Variants in ADGRL4 observed in about 807,000 individuals in gnomAD.
ADGRL4 encodes EGF, latrophilin and seven transmembrane domain containing 1.
Under a neutral mutation model 74.8 loss-of-function variants are expected in ADGRL4, and 90 were observed. That is an observed-to-expected ratio of 1.20 (90% CI 1.02 to 1.43). The LOEUF is 1.43. Among genes scored for constraint, ADGRL4 ranks in the 40% most tolerant of loss-of-function variants. ADGRL4 has a pLI of 0.00. For synonymous variants in ADGRL4, 311 were observed against 279.2 expected (o/e 1.11, Z -1.14); for missense variants, 881 against 814.3 (o/e 1.08, Z -1.00).
chr1:78,938,241 T>C lies in ADGRL4; in HGVS notation c.435A>G (p.Glu145=). Residue 145 remains glutamate (E), a synonymous_variant, in exon 5 of 15, where the codon GAA becomes GAG. Coordinates refer to ENST00000370742, the MANE Select transcript of ADGRL4 (RefSeq NM_022159.4). ...GATCTGTCACAGAATTTCTATAGACTTCTTGTAGCAAAGCCACAGGTTCTT... is the reference window on the plus strand; with the variant it reads ...GATCTGTCACAGAATTTCTATAGACCTCTTGTAGCAAAGCCACAGGTTCTT... ...SIKEPVALLQ[E]VYRNSVTDLS... is the part of the protein sequence containing the mutation. The C allele has an allele frequency of 6.2e-7, 1 of 1,606,632 alleles. No individual in the cohort carries two copies. Among genetic ancestry groups the C allele is most frequent in the Non-Finnish European group, 8.5e-7 (1 of 1,178,286 alleles).
chr1:78,930,607 C>T (rs1286538448), intron 7 of ADGRL4, among the ~76,000 whole-genome samples: 1 of 150,844 alleles, frequency 6.6e-6, no homozygotes, highest in Non-Finnish European at 1.5e-5. Flanking sequence ...CCCACCATCA[C>T]ACCTGGCTAA....
At chr1:78,958,943 CA>C (rs111472746) in intron 2 of ADGRL4, among the ~76,000 whole-genome samples, 14 of 152,294 alleles carry the variant, frequency 9.2e-5, no homozygotes, top group African/African-American at 3.4e-4. Context: ...CGTCAGCAGC[CA>C]ACATCAAAGC....
chr1:78,993,491 A>G (rs2100736283), intron 2 of ADGRL4, among the ~76,000 whole-genome samples: 1 of 152,344 alleles, frequency 6.6e-6, no homozygotes, highest in East Asian at 1.9e-4. Flanking sequence ...ATTATGAATA[A>G]CACATGGAGT....
At chr1:78,972,054 C>G (rs533422246) in intron 2 of ADGRL4, among the ~76,000 whole-genome samples, 79 of 152,286 alleles carry the variant, frequency 5.2e-4, no homozygotes, top group Non-Finnish European at 9.4e-4. Flanking sequence ...CGTGCCCGGC[C>G]AGGATTATTT....
chr1:78,920,005 T>C (rs1468212503), intron 10 of ADGRL4, among the ~76,000 whole-genome samples, 178 bp downstream of exon 10: 3 of 151,978 alleles, frequency 2.0e-5, no homozygotes, highest in African/African-American at 4.8e-5. Flanking sequence ...ATGGACTTGA[T>C]AAGTAGTTTG....
chr1:78,919,946 G>A (rs930725409), intron 10 of ADGRL4, among the ~76,000 whole-genome samples: 40 of 151,920 alleles, frequency 2.6e-4, no homozygotes, highest in Admixed American at 7.9e-4. Context: ...TTGTTGCAAA[G>A]TTTTAACTTG....
chr1:78,951,967 T>C (rs1649731982), intron 2 of ADGRL4, among the ~76,000 whole-genome samples: 1 of 152,194 alleles, frequency 6.6e-6, no homozygotes, highest in South Asian at 2.1e-4. Context: ...TTATCTTCTT[T>C]GTATAATAGG....
At chr1:79,000,679 C>T (rs112020018) in intron 2 of ADGRL4, among the ~76,000 whole-genome samples, 5,513 of 152,008 alleles carry the variant, frequency 0.036, 112 homozygotes, top group South Asian at 0.055. Context: ...ATTTCTAGTA[C>T]AAAGAAAAGA....
In ADGRL4 at chr1:78,986,321, C is replaced by T. The variant is rs574394995; in HGVS notation, c.172+18749G>A. Reference sequence around the variant, plus strand: ...CTTTGTCTTTTGGCGGTGAAATCTACAACCAAGTTGTTGATGTTTTTGTAA... The same window carrying T: ...CTTTGTCTTTTGGCGGTGAAATCTATAACCAAGTTGTTGATGTTTTTGTAA... On this transcript the variant is annotated intron_variant, in intron 2 of 14. Coordinates refer to ENST00000370742, the MANE Select transcript of ADGRL4 (RefSeq NM_022159.4). Among the ~76,000 whole-genome samples, 4 of 151,878 alleles carry T rather than the reference C, an allele frequency of 2.6e-5. No homozygotes were observed. In the East Asian group the frequency reaches 5.8e-4, roughly 22 times the overall value.
At chr1:78,986,757 T>C (rs922115303) in intron 2 of ADGRL4, among the ~76,000 whole-genome samples, 3 of 151,854 alleles carry the variant, frequency 2.0e-5, no homozygotes, top group Non-Finnish European at 4.4e-5. Flanking sequence ...TAAAATATTT[T>C]CCCAGTTATT....
In ADGRL4 at chr1:78,974,621, T is replaced by TAA. The variant is rs564418954; in HGVS notation, c.173-28197_173-28196dup. On this transcript the variant is annotated intron_variant, in intron 2 of 14. Coordinates refer to ENST00000370742, the MANE Select transcript of ADGRL4 (RefSeq NM_022159.4). ...GAGACCAAAATGTGTTACACTGGGCTAAAATGTGTCAGCTGGGTTGACCTC... is the reference window on the plus strand; with the variant it reads ...GAGACCAAAATGTGTTACACTGGGCTAAAAAATGTGTCAGCTGGGTTGACCTC... Among the ~76,000 whole-genome samples the TAA allele has an allele frequency of 3.7e-3, 566 of 152,296 alleles. 6 individuals carry two copies. The highest frequency in any genetic ancestry group is 0.013 in the African/African-American group (541 of 41,574).
rs1268900656 is a variant in ADGRL4 at position 78,890,471 on chromosome 1, T to G, written c.*683A>C. 1 of 152,002 alleles carries G rather than the reference T, an allele frequency of 6.6e-6. No homozygotes were observed. Among genetic ancestry groups the G allele is most frequent in the African/African-American group, 2.4e-5 (1 of 41,418 alleles). The allele number at this position is 152,002 out of a possible 1,614,324, so 9.4% of individuals were successfully genotyped here. A position where few individuals can be genotyped will look rare whatever the true frequency, so the allele number is the denominator to read the frequency against. ...AGAAACAGATTTTTTTCACTTTTTT[T>G]TTTTCAATTTGTGGAGGTAAACCTT... is the stretch of plus-strand genomic sequence containing the variant. On this transcript the variant is annotated 3_prime_UTR_variant, in exon 15 of 15. Transcript: ENST00000370742.
At chr1:78,918,828 A>G (rs924149304) in intron 10 of ADGRL4, among the ~76,000 whole-genome samples, 2 of 151,938 alleles carry the variant, frequency 1.3e-5, no homozygotes, top group African/African-American at 4.8e-5. Flanking sequence ...AGAGTACTCT[A>G]TAAGGCTGGG....
intron 12 of ADGRL4, among the ~76,000 whole-genome samples, chr1:78,905,870 T>A (rs1648624088): frequency 6.6e-6 from 1 of 152,072 alleles, no homozygotes. Context: ...ATTACATTTT[T>A]ATTTTGTCTC....
intron 2 of ADGRL4, 74 bp downstream of exon 2, chr1:79,004,996 G>A: frequency 7.2e-7 from 1 of 1,381,006 alleles, no homozygotes. Context: ...GTTAGTTTCT[G>A]GAGGACAGAA....
chr1:78,908,433 T>C (rs1648689361), intron 12 of ADGRL4, among the ~76,000 whole-genome samples: 1 of 152,034 alleles, frequency 6.6e-6, no homozygotes, highest in Non-Finnish European at 1.5e-5. Flanking sequence ...AAGTTATAAA[T>C]AGCAGAACCC....
chr1:78,926,652 C>A (rs1457242831), intron 8 of ADGRL4, among the ~76,000 whole-genome samples: 1 of 151,966 alleles, frequency 6.6e-6, no homozygotes. Flanking sequence ...TAAAATATTG[C>A]TTAATTCCAG....
At chr1:78,983,880 T>C (rs1045363265) in intron 2 of ADGRL4, among the ~76,000 whole-genome samples, 4 of 151,790 alleles carry the variant, frequency 2.6e-5, no homozygotes, top group African/African-American at 9.7e-5. Context: ...TAGAAAATAA[T>C]GTACCATATA....
chr1:78,927,374 C>G lies in ADGRL4; in HGVS notation c.878-283G>C, dbSNP rs114990458. On this transcript the variant is annotated intron_variant, in intron 7 of 14. Transcript: ENST00000370742. ...AAAAATAGTCCTAGATAAATTTACA[C>G]CAAAATCCTGACCAAGAACCAGAGT... 6.2e-3 allele frequency among the ~76,000 whole-genome samples: 942 copies of G among 152,134 alleles called. 7 individuals carry two copies. Among genetic ancestry groups the G allele is most frequent in the Non-Finnish European group, 8.1e-3 (548 of 67,972 alleles).
Sources: allele counts gnomAD v4.1 joint callset (sites outside exome capture counted in the v4.1 genomes callset), GRCh38; gene constraint gnomAD v4.1.1; transcripts MANE v1.5; gene names NCBI Gene and HGNC (gene_info 2026-07-23, HGNC 2026-07-21).